LEPROTL1: variants seen among roughly 807,000 people sequenced by gnomAD.
LEPROTL1 encodes the protein leptin receptor overlapping transcript-like 1.
LEPROTL1 carries 6 observed loss-of-function variants against 15.4 expected under a neutral mutation model. The ratio of observed to expected loss-of-function variants is 0.39; its 90% confidence interval spans 0.21 to 0.77. The LOEUF (loss-of-function observed/expected upper bound fraction) is 0.77, where lower values mean the gene tolerates loss of function less well. LEPROTL1 is among the 30% of genes least tolerant of loss of function. The pLI, the probability that LEPROTL1 is intolerant of heterozygous loss-of-function variation, is 0.41. For synonymous variants in LEPROTL1, 56 were observed against 52.6 expected, an observed-to-expected ratio of 1.06 and a Z score of -0.28; for missense variants, 128 against 158.1, an observed-to-expected ratio of 0.81 and a Z score of 1.02.
intron 3 of LEPROTL1, among the ~76,000 whole-genome samples, chr8:30,115,067 G>A (rs1279596027): frequency 6.6e-6 from 1 of 152,038 alleles, no homozygotes; most frequent in Non-Finnish European, 1.5e-5. Flanking sequence ...ACTTTTTTCT[G>A]ATATAAATAC....
At chr8:30,126,013 T>C (rs1202679091) in intron 3 of LEPROTL1, among the ~76,000 whole-genome samples, 2 of 152,236 alleles carry the variant, frequency 1.3e-5, no homozygotes, top group African/African-American at 4.8e-5. Context: ...CCATCTCCTA[T>C]GTTATAAATC....
intron 2 of LEPROTL1, among the ~76,000 whole-genome samples, chr8:30,103,282 C>G (rs1190980367): frequency 6.6e-6 from 1 of 152,082 alleles, no homozygotes; most frequent in Non-Finnish European, 1.5e-5. Flanking sequence ...GGGACCCATT[C>G]ATATTTTAAA....
chr8:30,124,197 G>A (rs1337402520), intron 3 of LEPROTL1, among the ~76,000 whole-genome samples: 8 of 152,182 alleles, frequency 5.3e-5, no homozygotes, highest in African/African-American at 1.7e-4. Context: ...TGCCAGAAGA[G>A]GGGATGGGTC....
chr8:30,100,849 C>CTG (rs113757454), intron 1 of LEPROTL1, among the ~76,000 whole-genome samples: 15,619 of 150,802 alleles, frequency 0.1, 887 homozygotes, highest in East Asian at 0.23. Flanking sequence ...AAATGTACTG[C>CTG]TGTGTGTGTG....
At chr8:30,116,623 C>A (rs1267580689) in intron 3 of LEPROTL1, among the ~76,000 whole-genome samples, 1 of 152,156 alleles carries the variant, frequency 6.6e-6, no homozygotes, top group Non-Finnish European at 1.5e-5. Flanking sequence ...GATACTGGCC[C>A]CTGGCCTGGG....
At chr8:30,113,516 G>A (rs1802686866), downstream of LEPROTL1, among the ~76,000 whole-genome samples, 1 of 152,138 alleles carries the variant, frequency 6.6e-6, no homozygotes. Flanking sequence ...AGCAGGAGGG[G>A]GCTTACTGAG....
chr8:30,131,090 G>A (rs1259102573), intron 3 of LEPROTL1, among the ~76,000 whole-genome samples: 8 of 151,396 alleles, frequency 5.3e-5, no homozygotes, highest in South Asian at 2.1e-4. Flanking sequence ...CACAACGCCC[G>A]GCCCAAAAAA....
chr8:30,122,494 A>G (rs1375087522), intron 3 of LEPROTL1, among the ~76,000 whole-genome samples: 1 of 152,070 alleles, frequency 6.6e-6, no homozygotes, highest in Non-Finnish European at 1.5e-5. Flanking sequence ...TTCTATTTTT[A>G]GAAACTTTTG....
chr8:30,130,510 C>T (rs747131151), intron 3 of LEPROTL1, among the ~76,000 whole-genome samples: 1 of 152,126 alleles, frequency 6.6e-6, no homozygotes, highest in Non-Finnish European at 1.5e-5. Context: ...AAACCTTTCT[C>T]TTGTGTATAT....
At chr8:30,132,996 A>G in intron 4 of LEPROTL1, 1 of 1,314,560 alleles carries the variant, frequency 7.6e-7, no homozygotes, top group East Asian at 2.5e-5. Flanking sequence ...CTCGCAGGAA[A>G]TAGATAGGTC....
chr8:30,126,486 T>C (rs1411598394), intron 3 of LEPROTL1, among the ~76,000 whole-genome samples: 1 of 152,186 alleles, frequency 6.6e-6, no homozygotes, highest in Non-Finnish European at 1.5e-5. Flanking sequence ...AATTGATGAA[T>C]CCAGTATAGA....
At chr8:30,097,706 C>CAT (rs1802395374) in intron 1 of LEPROTL1, among the ~76,000 whole-genome samples, 1 of 144,684 alleles carries the variant, frequency 6.9e-6, no homozygotes, top group Admixed American at 7.0e-5. Flanking sequence ...TATACACACA[C>CAT]ACACACACAC....
chr8:30,130,848 C>T (rs1802993560), intron 3 of LEPROTL1, among the ~76,000 whole-genome samples: 2 of 140,874 alleles, frequency 1.4e-5, no homozygotes, highest in South Asian at 2.2e-4. Context: ...GGTGTGATCT[C>T]GGCTTACTAC....
chr8:30,136,939 C>T (rs1402739830), intron 4 of LEPROTL1, among the ~76,000 whole-genome samples: 1 of 152,074 alleles, frequency 6.6e-6, no homozygotes, highest in Non-Finnish European at 1.5e-5. Context: ...CTGCCTGCCT[C>T]AGCCTCCCAA....
intron 3 of LEPROTL1, among the ~76,000 whole-genome samples, chr8:30,117,155 G>A (rs895884216): frequency 3.3e-5 from 5 of 152,062 alleles, no homozygotes; most frequent in African/African-American, 4.8e-5. Flanking sequence ...AGAGACAGAA[G>A]ATGATCATCG....
intron 1 of LEPROTL1, among the ~76,000 whole-genome samples, chr8:30,101,031 A>G (rs1400266449): frequency 1.3e-5 from 2 of 152,240 alleles, no homozygotes; most frequent in Non-Finnish European, 2.9e-5. Context: ...CTACTTTTGC[A>G]AACTATTTAA....
chr8:30,133,613 C>G (rs911330569), intron 4 of LEPROTL1, among the ~76,000 whole-genome samples: 1 of 151,982 alleles, frequency 6.6e-6, no homozygotes, highest in African/African-American at 2.4e-5. Flanking sequence ...GAACCACACA[C>G]TACTCCAATT....
intron 3 of LEPROTL1, among the ~76,000 whole-genome samples, chr8:30,125,716 G>A (rs1802894493): frequency 1.3e-5 from 2 of 152,152 alleles, no homozygotes. Flanking sequence ...AATTGCTTGG[G>A]TCCCACAGTT....
downstream of LEPROTL1, among the ~76,000 whole-genome samples, chr8:30,110,511 A>T (rs911137825): frequency 6.6e-6 from 1 of 152,056 alleles, no homozygotes; most frequent in Non-Finnish European, 1.5e-5. Context: ...GGCGGTGCGG[A>T]TCACTTGAGG....
Sources: allele counts gnomAD v4.1 joint callset (sites outside exome capture counted in the v4.1 genomes callset), GRCh38; gene constraint gnomAD v4.1.1; transcripts MANE v1.5; gene names NCBI Gene and HGNC (gene_info 2026-07-23, HGNC 2026-07-21).